Variants in COL27A1 observed in about 807,000 individuals in gnomAD.
The protein encoded by COL27A1 is collagen type XXVII alpha 1 chain, also known as collagen alpha-1(XXVII) chain.
A neutral mutation model predicts 251.3 loss-of-function variants in COL27A1; 106 were observed. The observed-to-expected ratio is 0.42, with a 90% CI of 0.36 to 0.50. The LOEUF is 0.50. COL27A1 is among the 20% of genes least tolerant of loss of function. The pLI is 0.00. For missense variants in COL27A1, 2,325 were observed against 2,522.8 expected (o/e 0.92, Z 1.68); for synonymous variants, 1,000 against 986.3 (o/e 1.01, Z -0.26).
At chr9:114,161,870 A>G (rs1307309128) in intron 1 of COL27A1, among the ~76,000 whole-genome samples, 1 of 152,236 alleles carries the variant, frequency 6.6e-6, no homozygotes, top group Non-Finnish European at 1.5e-5. Flanking sequence ...GTGTAGGGAC[A>G]GTGGGGACCA....
At chr9:114,164,829 A>G (rs1848720930) in intron 2 of COL27A1, among the ~76,000 whole-genome samples, 1 of 152,258 alleles carries the variant, frequency 6.6e-6, no homozygotes, top group Admixed American at 6.5e-5. Context: ...GAGGACAGAC[A>G]GATGGGAGAA....
At chr9:114,172,156 A>G (rs1302404602) in intron 3 of COL27A1, among the ~76,000 whole-genome samples, 2 of 152,238 alleles carry the variant, frequency 1.3e-5, no homozygotes, top group African/African-American at 4.8e-5. Flanking sequence ...ACTGTGTAGC[A>G]GATGGCAACC....
At chr9:114,240,633 G>A (rs1832695534) in intron 21 of COL27A1, 146 bp downstream of exon 21, 2 of 711,062 alleles carry the variant, frequency 2.8e-6, no homozygotes, top group Non-Finnish European at 4.6e-6. Context: ...TTACCCACCA[G>A]CTCATCCTAT....
At chr9:114,294,998 A>G (rs1288949505) in intron 49 of COL27A1, among the ~76,000 whole-genome samples, 1 of 152,272 alleles carries the variant, frequency 6.6e-6, no homozygotes, top group Non-Finnish European at 1.5e-5. Flanking sequence ...AAGACACCAT[A>G]TCAATATGCA....
At chr9:114,247,402 T>C (rs1221863633) in intron 24 of COL27A1, among the ~76,000 whole-genome samples, 1 of 152,194 alleles carries the variant, frequency 6.6e-6, no homozygotes, top group Non-Finnish European at 1.5e-5. Context: ...TTCATGAAAA[T>C]GAAAGAGTTT....
chr9:114,272,706 T>A (rs1209417798), intron 36 of COL27A1: 1 of 152,268 alleles, frequency 6.6e-6, no homozygotes, highest in Non-Finnish European at 1.5e-5. Context: ...ACATGGTTTA[T>A]CTCTTTCAAT....
At chr9:114,255,965 C>T (rs927951724) in intron 27 of COL27A1, among the ~76,000 whole-genome samples, 1 of 152,160 alleles carries the variant, frequency 6.6e-6, no homozygotes, top group Non-Finnish European at 1.5e-5. Context: ...AGATTGTCAT[C>T]GGAAATGGTG....
chr9:114,213,467 C>G (rs1034974098), intron 12 of COL27A1, among the ~76,000 whole-genome samples: 2 of 152,194 alleles, frequency 1.3e-5, no homozygotes, highest in East Asian at 3.9e-4. Context: ...GCCACTCATT[C>G]ATTCCTCATT....
chr9:114,288,582 G>C, intron 42 of COL27A1, 71 bp downstream of exon 42: 1 of 1,551,038 alleles, frequency 6.4e-7, no homozygotes, highest in Non-Finnish European at 8.8e-7. Flanking sequence ...GCATGGAGAG[G>C]GGTGGGCCGA....
chr9:114,273,301 T>G (rs1835273238), intron 36 of COL27A1: 1 of 152,272 alleles, frequency 6.6e-6, no homozygotes, highest in Non-Finnish European at 1.5e-5. Context: ...CAGGCTGTGC[T>G]TAGAAGCTGA....
intron 5 of COL27A1, among the ~76,000 whole-genome samples, chr9:114,193,580 C>T (rs187406839): frequency 6.6e-6 from 1 of 152,006 alleles, no homozygotes; most frequent in African/African-American, 2.4e-5. Context: ...CCTAGACAGT[C>T]CCTTTCCTTC....
At chr9:114,207,990 G>C (rs1240367934) in intron 10 of COL27A1, among the ~76,000 whole-genome samples, 2 of 152,168 alleles carry the variant, frequency 1.3e-5, no homozygotes, top group Non-Finnish European at 2.9e-5. Context: ...TTTGAGGAGA[G>C]GCAGTATGCA....
intron 5 of COL27A1, among the ~76,000 whole-genome samples, chr9:114,184,283 CTGAT>C (rs1588612065): frequency 6.6e-6 from 1 of 152,246 alleles, no homozygotes; most frequent in East Asian, 1.9e-4. Context: ...AAGCCCTTAA[CTGAT>C]TGGCTCCAGG....
At chr9:114,243,835 G>C (rs907850733) in intron 23 of COL27A1, among the ~76,000 whole-genome samples, 1 of 152,106 alleles carries the variant, frequency 6.6e-6, no homozygotes, top group Non-Finnish European at 1.5e-5. Context: ...TGTGGGGTGG[G>C]GGTGGTGGAG....
At chr9:114,197,054 T>C (rs939453903) in intron 7 of COL27A1, among the ~76,000 whole-genome samples, 4 of 152,188 alleles carry the variant, frequency 2.6e-5, no homozygotes, top group African/African-American at 9.7e-5. Context: ...AGCCTGTGCA[T>C]AGCAGGTGTT....
intron 7 of COL27A1, among the ~76,000 whole-genome samples, chr9:114,203,034 G>A (rs1048048923): frequency 2.0e-5 from 3 of 152,164 alleles, no homozygotes; most frequent in Non-Finnish European, 2.9e-5. Flanking sequence ...CATTCACATT[G>A]TTGTGCAATC....
intron 57 of COL27A1, 47 bp downstream of exon 57, chr9:114,304,720 C>T (rs745866407): frequency 9.4e-5 from 144 of 1,534,100 alleles, no homozygotes; most frequent in South Asian, 1.1e-4. Context: ...CTGGGAGAAA[C>T]GCAAATAGAT....
At chr9:114,159,532 G>A (rs1457038448) in intron 1 of COL27A1, among the ~76,000 whole-genome samples, 1 of 152,202 alleles carries the variant, frequency 6.6e-6, no homozygotes, top group African/African-American at 2.4e-5. Context: ...CAGGAACACA[G>A]GAAGGCAAGG....
chr9:114,220,108 A>G (rs1830976656), intron 13 of COL27A1, among the ~76,000 whole-genome samples: 1 of 152,024 alleles, frequency 6.6e-6, no homozygotes, highest in African/African-American at 2.4e-5. Flanking sequence ...CATTTCCAGG[A>G]CTTTGGAAGG....
Sources: gnomAD v4.1 joint callset for allele counts (sites outside exome capture counted in the v4.1 genomes callset) on GRCh38, gnomAD v4.1.1 for gene constraint, MANE v1.5 for transcripts, NCBI Gene and HGNC (gene_info 2026-07-23, HGNC 2026-07-21) for gene names.